Variants in BNIP2 observed in about 807,000 individuals in gnomAD.
The protein encoded by BNIP2 is BCL2/adenovirus E1B 19 kDa protein-interacting protein 2.
BNIP2 carries 36 observed loss-of-function variants against 43.4 expected under a neutral mutation model. That is an observed-to-expected ratio of 0.83 (90% CI 0.64 to 1.10). The LOEUF is 1.10. BNIP2 is among the 50% of genes least tolerant of loss of function. The pLI is 0.00. For synonymous variants in BNIP2, 146 were observed against 121.0 expected (o/e 1.21, Z -1.35); for missense variants, 417 against 374.1 (o/e 1.11, Z -0.95).
chr15:59,677,963 G>C lies in BNIP2; in HGVS notation c.420C>G (p.His140Gln). ...WRMFRIGEQD[H>Q]RVDMKAIEPY... The stretch of plus-strand genomic sequence containing the variant: ...GTTCAATTGCCTTCATATCAACCCT[G>C]TGGTCCTGTTCTCCAATCCTGAACA... Residue 140 changes from histidine to glutamine, a missense_variant, in exon 5 of 10, where the codon CAC becomes CAG. His to Gln is a conservative substitution (Grantham distance 24, BLOSUM62 0). Transcript: ENST00000607373. The C allele has an allele frequency of 6.2e-7, 1 of 1,613,848 alleles. No individual in the cohort carries two copies. The highest frequency in any genetic ancestry group is 1.7e-5 in the Admixed American group (1 of 60,008).
At chr15:59,682,625 G>T in intron 1 of BNIP2, 111 bp from the exon 2 acceptor site, 7 of 777,870 alleles carry the variant, frequency 9.0e-6, no homozygotes, top group South Asian at 7.1e-5. Flanking sequence ...ACAATGGTCT[G>T]GTCATGAAAT....
chr15:59,688,793 C>A (rs761486712), intron 1 of BNIP2: 3 of 1,535,454 alleles, frequency 2.0e-6, no homozygotes, highest in South Asian at 2.4e-5. Flanking sequence ...ACTGAACCAT[C>A]GTAGCCCAGC....
intron 9 of BNIP2, chr15:59,668,103 C>CT: frequency 7.7e-7 from 1 of 1,297,306 alleles, no homozygotes; most frequent in Non-Finnish European, 1.0e-6. Flanking sequence ...GTGCATATAC[C>CT]TTTTTTGTTT....
chr15:59,683,763 G>A (rs545301677), intron 1 of BNIP2, among the ~76,000 whole-genome samples: 1 of 152,306 alleles, frequency 6.6e-6, no homozygotes, highest in African/African-American at 2.4e-5. Flanking sequence ...AGGTTGCAGC[G>A]AGCCGAGGTC....
chr15:59,668,665 T>C (rs541552161), intron 9 of BNIP2: 1 of 451,332 alleles, frequency 2.2e-6, no homozygotes, highest in East Asian at 3.6e-5. Context: ...CAACCGGAAA[T>C]AATTTATCCT....
intron 4 of BNIP2, chr15:59,678,655 C>G (rs1893461428): frequency 1.0e-5 from 12 of 1,176,786 alleles, no homozygotes; most frequent in Non-Finnish European, 1.3e-5. Context: ...GCATAAGCAC[C>G]AATGATTAAG....
At chr15:59,667,036 A>G (rs1452755048) in intron 9 of BNIP2, among the ~76,000 whole-genome samples, 1 of 152,196 alleles carries the variant, frequency 6.6e-6, no homozygotes, top group Non-Finnish European at 1.5e-5. Flanking sequence ...TACAATTACA[A>G]ATCATATTTT....
chr15:59,660,429 G>A lies in BNIP2; in HGVS notation c.*3640C>T, dbSNP rs1019396456. 2 of 152,126 alleles carry A rather than the reference G, an allele frequency of 1.3e-5. No homozygotes were observed. Among genetic ancestry groups the A allele is most frequent in the Non-Finnish European group, 2.9e-5 (2 of 68,024 alleles). 9.4% of individuals were successfully genotyped at this position (152,126 alleles called of 1,614,324 possible). ...CCACATATAACATGGAAAAAGGAAGGATGAACCTACCGTAACATCTCTACC... is the reference window on the plus strand; with the variant it reads ...CCACATATAACATGGAAAAAGGAAGAATGAACCTACCGTAACATCTCTACC... On this transcript the variant is annotated 3_prime_UTR_variant, in exon 10 of 10. Coordinates refer to ENST00000607373, the MANE Select transcript of BNIP2 (RefSeq NM_004330.4).
chr15:59,680,884 G>C (rs1292531365), intron 2 of BNIP2, among the ~76,000 whole-genome samples: 1 of 152,144 alleles, frequency 6.6e-6, no homozygotes, highest in African/African-American at 2.4e-5. Context: ...GGCGTGACGT[G>C]CTATGCCTGG....
chr15:59,674,301 C>T (rs955488603), intron 5 of BNIP2, among the ~76,000 whole-genome samples: 5 of 152,104 alleles, frequency 3.3e-5, no homozygotes, highest in Admixed American at 2.0e-4. Context: ...TCAAGAACAT[C>T]AGAATCTTCA....
intron 1 of BNIP2, among the ~76,000 whole-genome samples, chr15:59,688,008 A>G (rs1382743987): frequency 6.6e-6 from 1 of 152,184 alleles, no homozygotes; most frequent in Admixed American, 6.5e-5. Context: ...CTTAGCTTCA[A>G]AGGGCTTGTA....
intron 5 of BNIP2, among the ~76,000 whole-genome samples, chr15:59,675,044 T>C (rs1413825407): frequency 7.1e-6 from 1 of 140,940 alleles, no homozygotes; most frequent in South Asian, 2.3e-4. Flanking sequence ...AGGTCAGGAG[T>C]TCGAGACCAG....
intron 9 of BNIP2, among the ~76,000 whole-genome samples, chr15:59,667,520 A>G (rs1373706835): frequency 6.6e-6 from 1 of 152,252 alleles, no homozygotes; most frequent in African/African-American, 2.4e-5. Context: ...GTTCAAAATT[A>G]AATTTAAAAT....
chr15:59,671,860 G>A (rs1892952069), intron 6 of BNIP2, among the ~76,000 whole-genome samples: 1 of 152,140 alleles, frequency 6.6e-6, no homozygotes, highest in African/African-American at 2.4e-5. Flanking sequence ...TGGCTTACTT[G>A]AGCCCAGGAG....
intron 1 of BNIP2, chr15:59,688,638 C>T: frequency 1.4e-6 from 2 of 1,418,932 alleles, no homozygotes; most frequent in Non-Finnish European, 1.9e-6. Flanking sequence ...GACGTACACA[C>T]TCTGTATTTG....
chr15:59,686,387 A>AT (rs59283336), intron 1 of BNIP2, among the ~76,000 whole-genome samples: 1 of 152,018 alleles, frequency 6.6e-6, no homozygotes. Flanking sequence ...TGTCTCTACA[A>AT]TTTTTTTTAA....
At chr15:59,675,541 C>T (rs1221572967) in intron 5 of BNIP2, among the ~76,000 whole-genome samples, 1 of 151,762 alleles carries the variant, frequency 6.6e-6, no homozygotes, top group South Asian at 2.1e-4. Context: ...ACCGAGGAGG[C>T]AGAGGTTGCA....
Position 59,680,228 on chromosome 15 carries a change from G to A in BNIP2, c.118+13C>T. On this transcript the variant is annotated intron_variant, in intron 3 of 9. Transcript: ENST00000607373. ...GTCCATAATTTCAATGAAAGTAAGT[G>A]TCAAGCTCTTACCAGGCTGGTCCTC... is the stretch of plus-strand genomic sequence containing the variant. The A allele has an allele frequency of 1.3e-6, 2 of 1,549,312 alleles. No homozygotes were observed. Among genetic ancestry groups the A allele is most frequent in the South Asian group, 2.5e-5 (2 of 81,220 alleles).
chr15:59,668,062 T>C (rs6151568), intron 9 of BNIP2: 426,750 of 1,233,600 alleles, frequency 0.35, 77,744 homozygotes, highest in East Asian at 0.58. Flanking sequence ...GCAATGCAAA[T>C]GGACTAGTCT....
Sources: allele counts gnomAD v4.1 joint callset (sites outside exome capture counted in the v4.1 genomes callset), GRCh38; gene constraint gnomAD v4.1.1; transcripts MANE v1.5; gene names NCBI Gene and HGNC (gene_info 2026-07-23, HGNC 2026-07-21).